Variants in AHCYL2 observed in about 807,000 individuals in gnomAD.
AHCYL2 encodes adenosylhomocysteinase like 2.
Under a neutral mutation model 81.4 loss-of-function variants are expected in AHCYL2, and 28 were observed. The ratio of observed to expected loss-of-function variants is 0.34; its 90% CI spans 0.25 to 0.47. The LOEUF is 0.47. Ranked by LOEUF, AHCYL2 falls within the 20% of genes least tolerant of loss-of-function variation. The probability of loss-of-function intolerance (pLI) is 1.00; values close to 1 mark genes in which losing one functional copy is unlikely to be tolerated. For synonymous variants in AHCYL2, 272 were observed against 290.2 expected, an observed-to-expected ratio of 0.94 and a Z score of 0.64; for missense variants, 551 against 785.1, an observed-to-expected ratio of 0.70 and a Z score of 3.56.
intron 1 of AHCYL2, among the ~76,000 whole-genome samples, chr7:129,269,877 T>G (rs1304315137): frequency 6.6e-6 from 1 of 152,242 alleles, no homozygotes; most frequent in Non-Finnish European, 1.5e-5. Context: ...ATGGATTTTT[T>G]ATGGACATTA....
chr7:129,240,310 C>G (rs2150687993), intron 1 of AHCYL2, among the ~76,000 whole-genome samples: 1 of 151,766 alleles, frequency 6.6e-6, no homozygotes, highest in South Asian at 2.1e-4. Flanking sequence ...ACCCTGAGAC[C>G]CACCCACACA....
intron 1 of AHCYL2, among the ~76,000 whole-genome samples, chr7:129,341,189 C>T (rs922119821): frequency 6.6e-6 from 1 of 152,174 alleles, no homozygotes; most frequent in African/African-American, 2.4e-5. Context: ...GGTTACATAG[C>T]ATCTTAGCAA....
intron 12 of AHCYL2, 150 bp from the exon 13 acceptor site, chr7:129,422,690 C>T (rs1241654808): frequency 3.3e-6 from 2 of 600,242 alleles, no homozygotes; most frequent in East Asian, 3.0e-5. Context: ...TGAAATGGAA[C>T]AGTCCTAACC....
At chr7:129,295,589 A>G (rs1341505313) in intron 1 of AHCYL2, among the ~76,000 whole-genome samples, 1 of 152,198 alleles carries the variant, frequency 6.6e-6, no homozygotes, top group Non-Finnish European at 1.5e-5. Flanking sequence ...AGTACTTTAT[A>G]ATATAGAAAA....
chr7:129,297,432 A>G (rs1197714650), intron 1 of AHCYL2, among the ~76,000 whole-genome samples: 1 of 152,174 alleles, frequency 6.6e-6, no homozygotes, highest in Non-Finnish European at 1.5e-5. Context: ...AAACTAGCGA[A>G]CAGCTCCAGA....
chr7:129,313,244 A>C (rs368062146), intron 1 of AHCYL2, among the ~76,000 whole-genome samples: 1 of 152,226 alleles, frequency 6.6e-6, no homozygotes, highest in Non-Finnish European at 1.5e-5. Flanking sequence ...AGAAAATCTC[A>C]TGTTGTATTT....
At chr7:129,273,706 ACTT>A (rs1468725076) in intron 1 of AHCYL2, among the ~76,000 whole-genome samples, 2 of 152,190 alleles carry the variant, frequency 1.3e-5, no homozygotes, top group Admixed American at 6.5e-5. Flanking sequence ...TTAAGGGAAT[ACTT>A]CTTAGGCTTA....
intron 1 of AHCYL2, among the ~76,000 whole-genome samples, chr7:129,367,927 C>T (rs1321397544): frequency 6.6e-6 from 1 of 152,228 alleles, no homozygotes; most frequent in Non-Finnish European, 1.5e-5. Flanking sequence ...TGGGGAGCTT[C>T]TGCATAGCTG....
intron 8 of AHCYL2, 23 bp downstream of exon 8, chr7:129,405,236 T>G: frequency 6.4e-7 from 1 of 1,554,866 alleles, no homozygotes. Context: ...ATCTTTGAGA[T>G]GAAGTTGTGA....
intron 1 of AHCYL2, among the ~76,000 whole-genome samples, chr7:129,329,673 C>A (rs1424982075): frequency 6.6e-6 from 1 of 152,220 alleles, no homozygotes; most frequent in East Asian, 1.9e-4. Flanking sequence ...TAGCCTTTGG[C>A]AAGTTGCCTA....
intron 11 of AHCYL2, among the ~76,000 whole-genome samples, chr7:129,412,032 T>A (rs1217078075): frequency 6.6e-6 from 1 of 152,012 alleles, no homozygotes; most frequent in African/African-American, 2.4e-5. Context: ...GTAGAATTGC[T>A]GGATCATATA....
At chr7:129,345,884 G>T (rs181387320) in intron 1 of AHCYL2, among the ~76,000 whole-genome samples, 2 of 152,092 alleles carry the variant, frequency 1.3e-5, no homozygotes, top group Non-Finnish European at 2.9e-5. Context: ...AGCAGGTTTG[G>T]GGGGGTAAGA....
chr7:129,238,624 ATTGAGGTGAAACCCAAGAGG>A (rs1278966304), intron 1 of AHCYL2, among the ~76,000 whole-genome samples: 1 of 152,106 alleles, frequency 6.6e-6, no homozygotes, highest in Admixed American at 6.5e-5. Context: ...CAGCACTGAA[ATTGAGGTGAAACCCAAGAGG>A]TTTCACCATG....
At position 129,409,490 on chromosome 7, in the gene AHCYL2, G is replaced by C. The variant is rs745705126; in HGVS notation, c.1310G>C (p.Arg437Pro). The C allele has an allele frequency of 6.2e-7, 1 of 1,613,720 alleles. No individual in the cohort carries two copies. The highest frequency in any genetic ancestry group is 8.5e-7 in the Non-Finnish European group (1 of 1,179,814). Reference sequence around the variant, plus strand: ...TATTTCAACAGTATGGATGGATTTCGACTGGTGAAATTAAATGAGGTCATC... The same window carrying C: ...TATTTCAACAGTATGGATGGATTTCCACTGGTGAAATTAAATGAGGTCATC... ...CALQACMDGF[R>P]LVKLNEVIRQ... Residue 437 changes from arginine to proline, a missense_variant, in exon 11 of 17, where the codon CGA (arginine) becomes CCA (proline). Physicochemically the swap from Arg to Pro is moderately radical, Grantham distance 103 (BLOSUM62 -2). This residue lies in a region of AHCYL2 where 316 missense variants were observed against 543.1 expected (regional missense o/e 0.58). Coordinates refer to ENST00000325006, the MANE Select transcript of AHCYL2 (RefSeq NM_015328.4).
chr7:129,347,830 C>G (rs774228887), intron 1 of AHCYL2, among the ~76,000 whole-genome samples: 2 of 152,154 alleles, frequency 1.3e-5, no homozygotes, highest in Non-Finnish European at 2.9e-5. Context: ...ATTTGAATCT[C>G]CTTTCAGTTG....
chr7:129,230,874 A>G (rs1794412136), intron 1 of AHCYL2, among the ~76,000 whole-genome samples: 1 of 152,072 alleles, frequency 6.6e-6, no homozygotes, highest in Admixed American at 6.6e-5. Context: ...CCTGGCCCTA[A>G]ATCTTAATCT....
intron 4 of AHCYL2, among the ~76,000 whole-genome samples, chr7:129,396,422 G>A (rs1037586785): frequency 5.3e-5 from 8 of 149,590 alleles, no homozygotes; most frequent in African/African-American, 9.9e-5. Flanking sequence ...ACCGCGCCCC[G>A]CCATTTGTTT....
intron 1 of AHCYL2, among the ~76,000 whole-genome samples, chr7:129,356,278 A>G (rs1793732764): frequency 6.6e-6 from 1 of 152,162 alleles, no homozygotes; most frequent in African/African-American, 2.4e-5. Flanking sequence ...GTAATAAACC[A>G]TCTTCCTTAA....
intron 1 of AHCYL2, among the ~76,000 whole-genome samples, chr7:129,252,386 C>T (rs959277086): frequency 3.3e-5 from 5 of 152,182 alleles, no homozygotes; most frequent in African/African-American, 7.2e-5. Context: ...TTAAGATCAT[C>T]GGGTTAAACC....
Sources: allele counts gnomAD v4.1 joint callset (sites outside exome capture counted in the v4.1 genomes callset), GRCh38; gene constraint gnomAD v4.1.1; regional missense constraint gnomAD v4.1.1; transcripts MANE v1.5; gene names NCBI Gene and HGNC (gene_info 2026-07-23, HGNC 2026-07-21).